Variants in AUTS2 observed in about 807,000 individuals in gnomAD.
AUTS2 encodes autism susceptibility gene 2 protein.
A neutral mutation model predicts 112.4 loss-of-function variants in AUTS2; 17 were observed. The ratio of observed to expected loss-of-function variants is 0.15; its 90% CI spans 0.10 to 0.23. AUTS2 has a LOEUF of 0.23. AUTS2 is among the 10% of genes least tolerant of loss of function. The probability of loss-of-function intolerance (pLI) is 1.00; values close to 1 mark genes in which losing one functional copy is unlikely to be tolerated. For missense variants in AUTS2, 1,510 were observed against 1,701.6 expected, an observed-to-expected ratio of 0.89 and a Z score of 1.98; for synonymous variants, 751 against 702.7, an observed-to-expected ratio of 1.07 and a Z score of -1.09.
At chr7:70,026,388 T>C (rs1230177839) in intron 2 of AUTS2, among the ~76,000 whole-genome samples, 2 of 152,156 alleles carry the variant, frequency 1.3e-5, no homozygotes, top group African/African-American at 4.8e-5. Context: ...GAGCAGGCTG[T>C]GAGTTCCCTC....
intron 1 of AUTS2, among the ~76,000 whole-genome samples, chr7:69,817,650 G>A (rs1269691465): frequency 6.6e-6 from 1 of 152,186 alleles, no homozygotes; most frequent in Non-Finnish European, 1.5e-5. Flanking sequence ...GGACCTGAAA[G>A]AAATGAGGAT....
intron 4 of AUTS2, among the ~76,000 whole-genome samples, chr7:70,346,092 C>G (rs1474451257): frequency 6.6e-6 from 1 of 152,104 alleles, no homozygotes; most frequent in Non-Finnish European, 1.5e-5. Context: ...GCAAATTGAT[C>G]TGCTTTTCCA....
intron 5 of AUTS2, among the ~76,000 whole-genome samples, chr7:70,528,100 T>TA (rs796945159): frequency 0.028 from 2,840 of 100,314 alleles, 99 homozygotes; most frequent in African/African-American, 0.11. Flanking sequence ...AGGATTTTTT[T>TA]TTTTTTTTTT....
chr7:70,603,970 G>C (rs970830673), intron 5 of AUTS2, among the ~76,000 whole-genome samples: 1 of 152,128 alleles, frequency 6.6e-6, no homozygotes, highest in African/African-American at 2.4e-5. Flanking sequence ...GCTTGGCAAG[G>C]TGATTTTGTC....
At chr7:70,438,575 C>A (rs73175942) in intron 5 of AUTS2, among the ~76,000 whole-genome samples, 19,525 of 152,068 alleles carry the variant, frequency 0.13, 1,278 homozygotes, top group Middle Eastern at 0.17. Context: ...CCTGCTTGGC[C>A]CTGTTGCAGT....
intron 4 of AUTS2, among the ~76,000 whole-genome samples, chr7:70,191,735 T>A (rs530694664): frequency 3.3e-5 from 5 of 152,170 alleles, no homozygotes; most frequent in Non-Finnish European, 7.3e-5. Flanking sequence ...TTAATTGCTC[T>A]GATTTTACAT....
At chr7:70,455,813 G>A (rs900781879) in intron 5 of AUTS2, among the ~76,000 whole-genome samples, 1 of 152,112 alleles carries the variant, frequency 6.6e-6, no homozygotes, top group Non-Finnish European at 1.5e-5. Flanking sequence ...AAGTTTCCAG[G>A]TGAGGTACAG....
chr7:70,527,049 T>A (rs961875769), intron 5 of AUTS2, among the ~76,000 whole-genome samples: 3 of 152,246 alleles, frequency 2.0e-5, no homozygotes, highest in African/African-American at 7.2e-5. Flanking sequence ...TTCTTGGTGC[T>A]GGTATCACAC....
At chr7:70,306,408 C>T (rs531590545) in intron 4 of AUTS2, among the ~76,000 whole-genome samples, 1 of 152,320 alleles carries the variant, frequency 6.6e-6, no homozygotes, top group South Asian at 2.1e-4. Flanking sequence ...TTTCCCGCTG[C>T]TCTGTCAACT....
chr7:69,857,859 C>T (rs1314890207), intron 1 of AUTS2, among the ~76,000 whole-genome samples: 2 of 152,078 alleles, frequency 1.3e-5, no homozygotes, highest in Non-Finnish European at 2.9e-5. Context: ...TGAATAACAC[C>T]TGTGTGCCAA....
intron 4 of AUTS2, among the ~76,000 whole-genome samples, chr7:70,270,604 C>G (rs1258853835): frequency 6.6e-6 from 1 of 152,040 alleles, no homozygotes; most frequent in Non-Finnish European, 1.5e-5. Flanking sequence ...GGAAAGTGAT[C>G]GGATCTGATT....
At chr7:70,409,606 A>C (rs573897765) in intron 4 of AUTS2, among the ~76,000 whole-genome samples, 3 of 152,296 alleles carry the variant, frequency 2.0e-5, no homozygotes, top group Admixed American at 2.0e-4. Flanking sequence ...GAGGCGTGTC[A>C]TCTTGACCAG....
chr7:69,664,795 A>G (rs1479641629), intron 1 of AUTS2, among the ~76,000 whole-genome samples: 5 of 152,182 alleles, frequency 3.3e-5, no homozygotes, highest in Admixed American at 2.6e-4. Context: ...GCAAGAATAC[A>G]TTTATTGTCT....
intron 5 of AUTS2, among the ~76,000 whole-genome samples, chr7:70,578,758 T>G (rs1016618685): frequency 1.3e-5 from 2 of 152,164 alleles, no homozygotes; most frequent in African/African-American, 4.8e-5. Context: ...GATTTGGTTT[T>G]TTTTAATTAA....
rs1293223964 is a variant in AUTS2 at position 70,472,369 on chromosome 7, G to T, written c.690+36588G>T. On this transcript the variant is annotated intron_variant, in intron 5 of 18. Transcript: ENST00000342771. Reference sequence around the variant, plus strand: ...TTTGGGGCTTCTGTTTTGGGGTGGGGTTTTTTTTTTTTTCCCAGTACCGTA... The same window carrying T: ...TTTGGGGCTTCTGTTTTGGGGTGGGTTTTTTTTTTTTTTCCCAGTACCGTA... 1.4e-3 allele frequency among the ~76,000 whole-genome samples: 199 copies of T among 144,318 alleles called. 1 individual carries two copies. Among genetic ancestry groups the T allele is most frequent in the South Asian group, 3.7e-3 (17 of 4,552 alleles). 94.7% of individuals were successfully genotyped at this position (144,318 alleles called of 152,430 possible). A position where few individuals can be genotyped will look rare whatever the true frequency, so the allele number is the denominator to read the frequency against.
chr7:70,640,316 T>G (rs534952769), intron 5 of AUTS2, among the ~76,000 whole-genome samples: 1 of 151,208 alleles, frequency 6.6e-6, no homozygotes, highest in African/African-American at 2.4e-5. Context: ...AAACAGGAAA[T>G]TTTTCTTAGT....
chr7:69,639,828 T>G (rs1470242071), intron 1 of AUTS2, among the ~76,000 whole-genome samples: 1 of 152,240 alleles, frequency 6.6e-6, no homozygotes, highest in East Asian at 1.9e-4. Context: ...GTAAGGAGAC[T>G]GTTACTTCAT....
chr7:70,053,360 A>G (rs1801839180), intron 2 of AUTS2, among the ~76,000 whole-genome samples: 1 of 152,104 alleles, frequency 6.6e-6, no homozygotes, highest in Non-Finnish European at 1.5e-5. Flanking sequence ...AGAATTTTCC[A>G]TCTAAATTTA....
intron 5 of AUTS2, among the ~76,000 whole-genome samples, chr7:70,660,251 T>G (rs2129542727): frequency 6.6e-6 from 1 of 151,354 alleles, no homozygotes; most frequent in South Asian, 2.1e-4. Context: ...CTTGGCAGGG[T>G]CTACAGTGTT....
Sources: allele counts gnomAD v4.1 joint callset (sites outside exome capture counted in the v4.1 genomes callset), GRCh38; gene constraint gnomAD v4.1.1; transcripts MANE v1.5; gene names NCBI Gene and HGNC (gene_info 2026-07-23, HGNC 2026-07-21).